The following HPGD variants were observed in gnomAD, a reference collection of about 807,000 sequenced individuals.
HPGD encodes the protein 15-hydroxyprostaglandin dehydrogenase [NAD(+)].
Under a neutral mutation model 30.0 loss-of-function variants are expected in HPGD, and 29 were observed. The observed-to-expected ratio is 0.97, with a 90% confidence interval of 0.72 to 1.32. The LOEUF (loss-of-function observed/expected upper bound fraction) is 1.32. Among genes scored for constraint, HPGD ranks in the 40% most tolerant of loss-of-function variants. The pLI is 0.00. For missense variants in HPGD, 340 were observed against 322.1 expected (o/e 1.06, Z -0.43); for synonymous variants, 99 against 112.4 (o/e 0.88, Z 0.75).
chr4:174,511,751 A>G, intron 3 of HPGD, among the ~76,000 whole-genome samples: 1 of 152,140 alleles, frequency 6.6e-6, no homozygotes, highest in South Asian at 2.1e-4. Context: ...GGTTCACGCC[A>G]TTCGCCTGCC....
At chr4:174,508,047 C>T (rs764740709) in intron 4 of HPGD, 1 of 687,520 alleles carries the variant, frequency 1.5e-6, no homozygotes. Flanking sequence ...GTAGCCATGC[C>T]TCCTCCATGT....
At chr4:174,521,695 G>T (rs1486663793) in intron 2 of HPGD, among the ~76,000 whole-genome samples, 1 of 152,196 alleles carries the variant, frequency 6.6e-6, no homozygotes, top group Non-Finnish European at 1.5e-5. Context: ...AAGGAATTTT[G>T]ATTACATTAA....
chr4:174,505,814 A>G (rs1253280860), intron 4 of HPGD, among the ~76,000 whole-genome samples: 1 of 152,134 alleles, frequency 6.6e-6, no homozygotes, highest in Non-Finnish European at 1.5e-5. Context: ...AAATGGAGAG[A>G]GTAGTAAGCC....
At chr4:174,522,573 G>A, upstream of HPGD, 1 of 638,276 alleles carries the variant, frequency 1.6e-6, no homozygotes, top group Non-Finnish European at 2.5e-6. Flanking sequence ...CCAGTGGGCG[G>A]GGAGGAAACT....
At position 174,494,033 on chromosome 4, in the gene HPGD, C is replaced by T. The variant is rs1015225409; in HGVS notation, c.499-719G>A. On this transcript the variant is annotated intron_variant, in intron 5 of 6. Transcript: ENST00000296522. The surrounding 1 kb of genome is among the most constrained non-coding windows in gnomAD (Gnocchi z 4.9). Reference sequence around the variant, plus strand: ...TCAAGTAAGACTATACTCTGTCGTGCCATGTTTTTCTAATTTTGTGCTTTT... The same window carrying T: ...TCAAGTAAGACTATACTCTGTCGTGTCATGTTTTTCTAATTTTGTGCTTTT... Among the ~76,000 whole-genome samples, 19 of 152,066 alleles carry T rather than the reference C, an allele frequency of 1.2e-4. No homozygotes were observed. Among genetic ancestry groups the T allele is most frequent in the Admixed American group, 2.6e-4 (4 of 15,242 alleles).
intron 4 of HPGD, among the ~76,000 whole-genome samples, chr4:174,503,324 T>C (rs1361010724): frequency 6.6e-6 from 1 of 152,160 alleles, no homozygotes; most frequent in Non-Finnish European, 1.5e-5. Context: ...TGACACAGGC[T>C]AAAATGGAGC....
Position 174,492,065 on chromosome 4 carries a change from G to A in HPGD, c.692C>T (p.Thr231Ile). 1 of 1,610,766 alleles carries A rather than the reference G, an allele frequency of 6.2e-7. No homozygotes were observed. The highest frequency in any genetic ancestry group is 1.1e-5 in the South Asian group (1 of 90,996). ...ATTTAAAGCATCATCTTCAATGAGT[G>A]TTATCAATCCATTGGCAATCAATGG... is the stretch of plus-strand genomic sequence containing the variant. ...DPPLIANGLI[T>I]LIEDDALNGA... The change falls in exon 7 of 7, where the codon ACA becomes ATA. Residue 231 changes from threonine to isoleucine, a missense_variant. Thr to Ile is a moderately conservative substitution (Grantham distance 89, BLOSUM62 -1). Transcript: ENST00000296522. This position sits in a 1 kb window ranked among gnomAD's most constrained non-coding sequence, Gnocchi z 4.9.
intron 3 of HPGD, among the ~76,000 whole-genome samples, chr4:174,512,328 G>GCATGAATAT (rs1735549132): frequency 6.6e-6 from 1 of 152,104 alleles, no homozygotes; most frequent in Non-Finnish European, 1.5e-5. Context: ...AGCATGAATA[G>GCATGAATAT]CATGAATTAT....
intron 2 of HPGD, among the ~76,000 whole-genome samples, chr4:174,518,545 G>A (rs1361914786): frequency 6.6e-6 from 1 of 152,122 alleles, no homozygotes; most frequent in Non-Finnish European, 1.5e-5. Flanking sequence ...AATTCATAAA[G>A]TGTTATGTTA....
intron 4 of HPGD, among the ~76,000 whole-genome samples, chr4:174,504,962 T>C (rs1367779616): frequency 1.3e-5 from 2 of 152,226 alleles, no homozygotes; most frequent in Non-Finnish European, 2.9e-5. Flanking sequence ...GTTTTAATAG[T>C]TCAGGATGGA....
rs45548335 is a variant in HPGD at position 174,517,282 on chromosome 4, TCA to T, written c.324+687_324+688del. 1.8e-3 allele frequency among the ~76,000 whole-genome samples: 271 copies of T among 152,080 alleles called. 3 individuals are homozygous for T. Among genetic ancestry groups the T allele is most frequent in the African/African-American group, 5.8e-3 (242 of 41,510 alleles). On this transcript the variant is annotated intron_variant, in intron 3 of 6. Transcript: ENST00000296522. ...AAGTCATTATCAAACATTATGGAAA[TCA>T]CACACACACACGAACCACGAACTTT... is the stretch of plus-strand genomic sequence containing the variant.
chr4:174,520,327 G>A (rs1447799657), intron 2 of HPGD, among the ~76,000 whole-genome samples: 1 of 151,966 alleles, frequency 6.6e-6, no homozygotes, highest in African/African-American at 2.4e-5. Context: ...AAACTCTCTT[G>A]GCTGTGATTT....
At chr4:174,493,433 A>T in intron 5 of HPGD, 119 bp from the exon 6 acceptor site, 1 of 898,478 alleles carries the variant, frequency 1.1e-6, no homozygotes, top group Non-Finnish European at 1.8e-6. Flanking sequence ...ATATCCTCCC[A>T]GCTATGTAAC....
chr4:174,511,291 C>T (rs1343060258), intron 3 of HPGD, among the ~76,000 whole-genome samples: 6 of 151,826 alleles, frequency 4.0e-5, no homozygotes, highest in Admixed American at 3.9e-4. Context: ...CCACTTATGC[C>T]TAGTGTTCCA....
chr4:174,517,427 C>T (rs1735847145), intron 3 of HPGD, among the ~76,000 whole-genome samples: 1 of 152,122 alleles, frequency 6.6e-6, no homozygotes, highest in Admixed American at 6.5e-5. Flanking sequence ...GGTTGACGAG[C>T]TTTTTCTGTA....
chr4:174,491,753 C>G lies in HPGD; in HGVS notation c.*203G>C, dbSNP rs879607069. ...TTAGACTATCAAGATTACAACCTAGCCTTTGGTCCACATCACATTTTTAAT... is the reference window on the plus strand; with the variant it reads ...TTAGACTATCAAGATTACAACCTAGGCTTTGGTCCACATCACATTTTTAAT... On this transcript the variant is annotated 3_prime_UTR_variant, in exon 7 of 7. Transcript: ENST00000296522. The G allele has an allele frequency of 3.7e-6, 2 of 546,848 alleles. No homozygotes were observed. The highest frequency in any genetic ancestry group is 3.8e-5 in the African/African-American group (2 of 52,922). The allele number at this position is 546,848 out of a possible 1,614,324, so 33.9% of individuals were successfully genotyped here. A position where few individuals can be genotyped will look rare whatever the true frequency, so the allele number is the denominator to read the frequency against.
At position 174,493,430 on chromosome 4, in the gene HPGD, C is replaced by T. The variant is rs1734440256; in HGVS notation, c.499-116G>A. On this transcript the variant is annotated intron_variant, in intron 5 of 6. Coordinates refer to ENST00000296522, the MANE Select transcript of HPGD (RefSeq NM_000860.6). Reference sequence around the variant, plus strand: ...GTAAAAAATACTAATTAGATATCCTCCCAGCTATGTAACAATGACTGGTAA... The same window carrying T: ...GTAAAAAATACTAATTAGATATCCTTCCAGCTATGTAACAATGACTGGTAA... 2.2e-6 allele frequency: 2 copies of T among 908,616 alleles called. 1 individual carries two copies. The highest frequency in any genetic ancestry group is 2.8e-5 in the South Asian group (2 of 72,536). The allele number at this position is 908,616 out of a possible 1,614,324, so 56.3% of individuals were successfully genotyped here.
At chr4:174,521,154 T>C (rs3797009) in intron 2 of HPGD, among the ~76,000 whole-genome samples, 28,110 of 151,874 alleles carry the variant, frequency 0.19, 2,671 homozygotes, top group Middle Eastern at 0.26. Flanking sequence ...ATTTTACTTT[T>C]CTAGTTTTTC....
At chr4:174,521,885 T>G in intron 2 of HPGD, 59 bp downstream of exon 2, 1 of 1,609,830 alleles carries the variant, frequency 6.2e-7, no homozygotes, top group Admixed American at 1.7e-5. Flanking sequence ...CGGGCTGCCT[T>G]CAGGTTGTTG....
Sources: gnomAD v4.1 joint callset for allele counts (sites outside exome capture counted in the v4.1 genomes callset) on GRCh38, gnomAD v4.1.1 for gene constraint, Gnocchi (gnomAD v3.1) non-coding constraint, MANE v1.5 for transcripts, NCBI Gene and HGNC (gene_info 2026-07-23, HGNC 2026-07-21) for gene names.